The following CERKL variants were observed in gnomAD, a reference collection of about 807,000 sequenced individuals.
The protein encoded by CERKL is CERK like autophagy regulator, also known as ceramide kinase-like protein.
Under a neutral mutation model 63.4 loss-of-function variants are expected in CERKL, and 61 were observed. The ratio of observed to expected loss-of-function variants is 0.96; its 90% CI spans 0.78 to 1.19. The LOEUF is 1.19. Ranked by LOEUF, CERKL falls within the 50% of genes most tolerant of loss-of-function variation. The pLI, the probability that CERKL is intolerant of heterozygous loss-of-function variation, is 0.00. For missense variants in CERKL, 675 were observed against 655.5 expected, an observed-to-expected ratio of 1.03 and a Z score of -0.33; for synonymous variants, 250 against 230.5, an observed-to-expected ratio of 1.08 and a Z score of -0.77.
chr2:181,568,834 C>T (rs182926176), intron 3 of CERKL, among the ~76,000 whole-genome samples: 1 of 149,972 alleles, frequency 6.7e-6, no homozygotes, highest in South Asian at 2.1e-4. Flanking sequence ...ATCCCTCCCC[C>T]CTCCCACCAC....
chr2:181,576,242 A>G (rs1220622303), intron 2 of CERKL, among the ~76,000 whole-genome samples: 1 of 152,194 alleles, frequency 6.6e-6, no homozygotes, highest in African/African-American at 2.4e-5. Context: ...TCATCACAAT[A>G]ATTACTGATT....
chr2:181,574,606 T>A (rs1455240388), intron 2 of CERKL, among the ~76,000 whole-genome samples: 2 of 152,088 alleles, frequency 1.3e-5, no homozygotes, highest in East Asian at 3.9e-4. Flanking sequence ...TCGAACCCAG[T>A]TGGAGCAGGT....
At position 181,623,034 on chromosome 2, in the gene CERKL, A is replaced by T. The variant is rs568303710; in HGVS notation, c.239-18955T>A. 8.5e-5 allele frequency among the ~76,000 whole-genome samples: 13 copies of T among 152,324 alleles called. No individual in the cohort carries two copies. In the East Asian group the frequency reaches 2.5e-3, roughly 29 times the overall value. ...TTACTCATAATTCTTTAGAGAGACT[A>T]AGTTCCTCTATGTAAGGAAAGTGAA... On this transcript the variant is annotated intron_variant, in intron 1 of 12. Transcript: ENST00000410087.
chr2:181,596,110 T>C (rs1402127009), intron 2 of CERKL, among the ~76,000 whole-genome samples: 2 of 152,202 alleles, frequency 1.3e-5, no homozygotes, highest in Non-Finnish European at 2.9e-5. Flanking sequence ...TTTATCTAAA[T>C]TGTTTCTCCG....
intron 1 of CERKL, among the ~76,000 whole-genome samples, chr2:181,625,619 A>T (rs1168994862): frequency 6.6e-6 from 1 of 152,206 alleles, no homozygotes; most frequent in Non-Finnish European, 1.5e-5. Context: ...AGAAAATGGC[A>T]TCGTGTTCTC....
chr2:181,545,421 C>G (rs1687681671), intron 10 of CERKL, among the ~76,000 whole-genome samples: 1 of 152,272 alleles, frequency 6.6e-6, no homozygotes, highest in Non-Finnish European at 1.5e-5. Flanking sequence ...CCAAAACAGC[C>G]ACTCACAAAT....
intron 1 of CERKL, among the ~76,000 whole-genome samples, chr2:181,613,741 CTG>C (rs1419458541): frequency 5.3e-5 from 8 of 152,182 alleles, no homozygotes; most frequent in African/African-American, 1.7e-4. Flanking sequence ...CAGTGAAACA[CTG>C]TAAATCTCTC....
At position 181,571,875 on chromosome 2, in the gene CERKL, T is replaced by C. The variant is rs538747797; in HGVS notation, c.613+1878A>G. On this transcript the variant is annotated intron_variant, in intron 3 of 12. Transcript: ENST00000410087. ...CTGTGCCCAAACTTAAAAAAGGAAA[T>C]TTTAATTCATCTTCAGGATTAAAGC... Among the ~76,000 whole-genome samples, 4 of 152,280 alleles carry C rather than the reference T, an allele frequency of 2.6e-5. No homozygotes were observed. The East Asian group carries it at 7.7e-4, about 29-fold the overall frequency.
intron 1 of CERKL, among the ~76,000 whole-genome samples, chr2:181,614,647 A>G (rs1261586796): frequency 6.6e-6 from 1 of 152,194 alleles, no homozygotes; most frequent in Non-Finnish European, 1.5e-5. Context: ...CACTTCTGTT[A>G]TAGTACAAGT....
At chr2:181,616,263 A>G (rs1010911060) in intron 1 of CERKL, among the ~76,000 whole-genome samples, 3 of 140,666 alleles carry the variant, frequency 2.1e-5, no homozygotes, top group African/African-American at 8.6e-5. Flanking sequence ...ACCCAGGCTG[A>G]AGTGCAGTGG....
At chr2:181,557,589 C>T (rs942551818) in intron 5 of CERKL, among the ~76,000 whole-genome samples, 3 of 152,054 alleles carry the variant, frequency 2.0e-5, no homozygotes, top group Non-Finnish European at 2.9e-5. Flanking sequence ...TGTCTCTGAC[C>T]TCTACTTTCT....
intron 1 of CERKL, among the ~76,000 whole-genome samples, chr2:181,647,262 C>T (rs12987841): frequency 0.014 from 2,129 of 152,250 alleles, 26 homozygotes; most frequent in Non-Finnish European, 0.021. Flanking sequence ...TGCAATATGA[C>T]CACCACCACT....
At chr2:181,603,261 T>C (rs570797487) in intron 2 of CERKL, among the ~76,000 whole-genome samples, 1 of 152,310 alleles carries the variant, frequency 6.6e-6, no homozygotes, top group African/African-American at 2.4e-5. Flanking sequence ...AATACATTCT[T>C]ATATAGTTCA....
At chr2:181,541,803 G>A (rs1253671568) in intron 11 of CERKL, among the ~76,000 whole-genome samples, 1 of 152,202 alleles carries the variant, frequency 6.6e-6, no homozygotes, top group Non-Finnish European at 1.5e-5. Flanking sequence ...ACAGTTCAGG[G>A]TAACCTGGAT....
chr2:181,545,018 T>C (rs1687660979), intron 10 of CERKL, among the ~76,000 whole-genome samples: 1 of 152,152 alleles, frequency 6.6e-6, no homozygotes. Context: ...CTGGCTTCCT[T>C]CTCAATAAGC....
intron 4 of CERKL, among the ~76,000 whole-genome samples, chr2:181,561,879 T>C (rs543885998): frequency 6.6e-6 from 1 of 152,136 alleles, no homozygotes; most frequent in Admixed American, 6.6e-5. Flanking sequence ...AATGGTGTGA[T>C]CTCAGCTCAC....
At chr2:181,584,735 C>T (rs1054647011) in intron 2 of CERKL, among the ~76,000 whole-genome samples, 5 of 151,722 alleles carry the variant, frequency 3.3e-5, no homozygotes, top group Admixed American at 3.3e-4. Flanking sequence ...ATATACACCA[C>T]TCTCTCCACT....
At position 181,609,533 on chromosome 2, in the gene CERKL, T is replaced by TAAA. The variant is rs869037405; in HGVS notation, c.239-5457_239-5455dup. Among the ~76,000 whole-genome samples the TAAA allele has an allele frequency of 9.7e-4, 68 of 70,176 alleles. 1 individual carries two copies. The highest frequency in any genetic ancestry group is 7.8e-3 in the Middle Eastern group (1 of 128). The allele number at this position is 70,176 out of a possible 152,430, so 46.0% of individuals were successfully genotyped here. On this transcript the variant is annotated intron_variant, in intron 1 of 12. Coordinates refer to ENST00000410087, the MANE Select transcript of CERKL (RefSeq NM_201548.5). Reference sequence around the variant, plus strand: ...CACCATGGTGAAACCCTGTCTCTACTAAAAAAAAAAAAAAAAAAAAAAATT... The same window carrying TAAA: ...CACCATGGTGAAACCCTGTCTCTACTAAAAAAAAAAAAAAAAAAAAAAAAAATT...
chr2:181,604,691 T>A (rs1181891430), intron 1 of CERKL, among the ~76,000 whole-genome samples: 2 of 152,148 alleles, frequency 1.3e-5, no homozygotes, highest in East Asian at 3.8e-4. Flanking sequence ...CTAACAGAAG[T>A]GACTTTATGA....
Sources: allele counts gnomAD v4.1 joint callset (sites outside exome capture counted in the v4.1 genomes callset), GRCh38; gene constraint gnomAD v4.1.1; transcripts MANE v1.5; gene names NCBI Gene and HGNC (gene_info 2026-07-23, HGNC 2026-07-21).